Variants in TMPO observed in about 807,000 individuals in gnomAD.
TMPO encodes thymopoietin.
TMPO carries 22 observed loss-of-function variants against 45.4 expected under a neutral mutation model. The ratio of observed to expected loss-of-function variants is 0.48; its 90% CI spans 0.35 to 0.69. TMPO has a LOEUF of 0.69. TMPO is among the 30% of genes least tolerant of loss of function. TMPO has a pLI of 0.01. For synonymous variants in TMPO, 241 were observed against 204.1 expected (o/e 1.18, Z -1.54); for missense variants, 512 against 548.8 (o/e 0.93, Z 0.67).
intron 7 of TMPO, among the ~76,000 whole-genome samples, 180 bp downstream of exon 7, chr12:98,545,241 T>G (rs1413141216): frequency 6.6e-6 from 1 of 151,120 alleles, no homozygotes; most frequent in Non-Finnish European, 1.5e-5. Context: ...AAACAGAAAT[T>G]AACTAATATA....
chr12:98,527,335 C>CAAAAAAAAAAAAAA, intron 1 of TMPO, among the ~76,000 whole-genome samples: 1 of 93,572 alleles, frequency 1.1e-5, no homozygotes, highest in Admixed American at 1.3e-4. Flanking sequence ...CCCATCTCTA[C>CAAAAAAAAAAAAAA]AAAAAAAAAA....
chr12:98,531,261 G>A (rs112315612), intron 2 of TMPO, among the ~76,000 whole-genome samples: 2,440 of 77,006 alleles, frequency 0.032, 67 homozygotes, highest in African/African-American at 0.085. Flanking sequence ...TTTTTTTTAA[G>A]ACAGCATCTT....
chr12:98,523,513 G>T (rs1156245358), intron 1 of TMPO, among the ~76,000 whole-genome samples: 3 of 151,564 alleles, frequency 2.0e-5, no homozygotes, highest in Non-Finnish European at 4.4e-5. Flanking sequence ...CTGCACTCTA[G>T]CCTGGGCAAC....
intron 1 of TMPO, among the ~76,000 whole-genome samples, chr12:98,525,738 C>CAAA (rs34394677): frequency 5.2e-5 from 5 of 95,716 alleles, no homozygotes; most frequent in Admixed American, 1.2e-4. Context: ...GGCACAGTCT[C>CAAA]AAAAAAAAAA....
At chr12:98,538,526 T>C (rs1877709945) in intron 4 of TMPO, among the ~76,000 whole-genome samples, 1 of 152,124 alleles carries the variant, frequency 6.6e-6, no homozygotes, top group African/African-American at 2.4e-5. Flanking sequence ...CTAATTTTTG[T>C]ATTTTTAGTA....
intron 2 of TMPO, among the ~76,000 whole-genome samples, chr12:98,528,642 T>C (rs1243569980): frequency 6.6e-6 from 1 of 151,354 alleles, no homozygotes; most frequent in Non-Finnish European, 1.5e-5. Flanking sequence ...TGAGGTAACA[T>C]AGCTGGGCAA....
In TMPO at chr12:98,535,053, T is replaced by A. The variant is rs972164017; in HGVS notation, c.566-2422T>A. On this transcript the variant is annotated intron_variant, in intron 3 of 8. Transcript: ENST00000556029. ...TTGATTTACACTCTGATGCAAGTAATTTATCTCTTCATTGACTGGTAGCAA... is the reference window on the plus strand; with the variant it reads ...TTGATTTACACTCTGATGCAAGTAAATTATCTCTTCATTGACTGGTAGCAA... 20 of 839,124 alleles carry A rather than the reference T, an allele frequency of 2.4e-5. No homozygotes were observed. In the African/African-American group the frequency reaches 3.5e-4, roughly 15 times the overall value. 52.0% of individuals were successfully genotyped at this position (839,124 alleles called of 1,614,324 possible). A position where few individuals can be genotyped will look rare whatever the true frequency, so the allele number is the denominator to read the frequency against.
intron 4 of TMPO, among the ~76,000 whole-genome samples, chr12:98,539,073 G>A (rs1877743918): frequency 6.6e-6 from 1 of 152,054 alleles, no homozygotes; most frequent in Non-Finnish European, 1.5e-5. Context: ...GGTGGTGCAT[G>A]CCTGTAATCC....
At chr12:98,530,383 G>T (rs941727768) in intron 2 of TMPO, among the ~76,000 whole-genome samples, 1 of 151,922 alleles carries the variant, frequency 6.6e-6, no homozygotes, top group South Asian at 2.1e-4. Context: ...AAAAATGTGT[G>T]TTATAATATC....
At chr12:98,531,019 C>T (rs1401187710) in intron 2 of TMPO, among the ~76,000 whole-genome samples, 2 of 151,978 alleles carry the variant, frequency 1.3e-5, no homozygotes, top group Admixed American at 6.6e-5. Flanking sequence ...ATCAGCTCAC[C>T]GCAACCTCCA....
At position 98,548,562 on chromosome 12, in the gene TMPO, G is replaced by A. The variant is rs990312310; in HGVS notation, c.*704G>A. On this transcript the variant is annotated 3_prime_UTR_variant, in exon 9 of 9. Transcript: ENST00000556029. ...TATTTTAGAGAATTGTTGGCTAGCT[G>A]TACATGTTTTGAAAAGCTGTTTAGC... The A allele has an allele frequency of 1.3e-5, 2 of 152,200 alleles. No homozygotes were observed. The highest frequency in any genetic ancestry group is 2.9e-5 in the Non-Finnish European group (2 of 68,028). The allele number at this position is 152,200 out of a possible 1,614,324, so 9.4% of individuals were successfully genotyped here. A position where few individuals can be genotyped will look rare whatever the true frequency, so the allele number is the denominator to read the frequency against.
intron 8 of TMPO, 67 bp downstream of exon 8, chr12:98,546,514 T>A (rs879082698): frequency 8.1e-7 from 1 of 1,227,528 alleles, no homozygotes; most frequent in South Asian, 1.2e-5. Flanking sequence ...TAATTCTTCA[T>A]CACAAAGTTA....
At chr12:98,518,220 A>G (rs1048076749) in intron 1 of TMPO, among the ~76,000 whole-genome samples, 2 of 151,666 alleles carry the variant, frequency 1.3e-5, no homozygotes, top group East Asian at 1.9e-4. Context: ...CTAATTTTCT[A>G]TAGAACCCTT....
chr12:98,538,922 C>T (rs966295003), intron 4 of TMPO, among the ~76,000 whole-genome samples: 5 of 151,596 alleles, frequency 3.3e-5, no homozygotes, highest in Non-Finnish European at 7.4e-5. Flanking sequence ...GGAAATAGGC[C>T]GGGCGCGGTG....
Position 98,549,641 on chromosome 12 carries a change from C to T in TMPO, c.*1783C>T, listed in dbSNP as rs1878424499. On this transcript the variant is annotated 3_prime_UTR_variant, in exon 9 of 9. Transcript: ENST00000556029. ...TGAGTTTCAACTTTACAGTCATTGACCATAAAGCACACTAAAAATGTAAGT... is the reference window on the plus strand; with the variant it reads ...TGAGTTTCAACTTTACAGTCATTGATCATAAAGCACACTAAAAATGTAAGT... 6.6e-6 allele frequency: 1 copy of T among 151,956 alleles called. No individual in the cohort carries two copies. The highest frequency in any genetic ancestry group is 2.4e-5 in the African/African-American group (1 of 41,350). 9.4% of individuals were successfully genotyped at this position (151,956 alleles called of 1,614,324 possible).
At chr12:98,538,540 A>G (rs1464116704) in intron 4 of TMPO, among the ~76,000 whole-genome samples, 13 of 152,050 alleles carry the variant, frequency 8.5e-5, no homozygotes, top group Non-Finnish European at 1.2e-4. Context: ...TTTAGTAGAG[A>G]CGGGGTTTCA....
chr12:98,533,450 ACT>A lies in TMPO; in HGVS notation c.565+1615_565+1616del, dbSNP rs760822782. 3.7e-6 allele frequency: 6 copies of A among 1,614,118 alleles called. No individual in the cohort carries two copies. The highest frequency in any genetic ancestry group is 3.3e-5 in the Admixed American group (2 of 60,004). On this transcript the variant is annotated intron_variant, in intron 3 of 8. Transcript: ENST00000556029. ...GTAGGTAGTTTGCCTGGAACTTCTAACTCTATGCCCCCACTGGATGTAGAAAA... is the reference window on the plus strand; with the variant it reads ...GTAGGTAGTTTGCCTGGAACTTCTAACTATGCCCCCACTGGATGTAGAAAA...
chr12:98,533,684 T>G (rs1877369051), intron 3 of TMPO: 1 of 1,614,204 alleles, frequency 6.2e-7, no homozygotes, highest in Middle Eastern at 1.6e-4. Flanking sequence ...GGTCTAGAAG[T>G]GGCTAAGCAA....
At chr12:98,531,614 A>T in intron 2 of TMPO, 66 bp from the exon 3 acceptor site, 1 of 1,488,794 alleles carries the variant, frequency 6.7e-7, no homozygotes, top group South Asian at 1.2e-5. Context: ...GTTGCTGAAG[A>T]TAGTGTCTGA....
Sources: gnomAD v4.1 joint callset for allele counts (sites outside exome capture counted in the v4.1 genomes callset) on GRCh38, gnomAD v4.1.1 for gene constraint, MANE v1.5 for transcripts, NCBI Gene and HGNC (gene_info 2026-07-23, HGNC 2026-07-21) for gene names.